MALRD1: variants seen among roughly 807,000 people sequenced by gnomAD.
MALRD1 encodes the protein MAM and LDL receptor class A domain containing 1.
MALRD1 carries 247 observed loss-of-function variants against 242.1 expected under a neutral mutation model. The observed-to-expected ratio is 1.02, with a 90% CI of 0.92 to 1.13. MALRD1 has a LOEUF of 1.13. Ranked by LOEUF, MALRD1 falls within the 50% of genes most tolerant of loss-of-function variation. The pLI, the probability that MALRD1 is intolerant of heterozygous loss-of-function variation, is 0.00. For synonymous variants in MALRD1, 995 were observed against 866.6 expected (o/e 1.15, Z -2.60); for missense variants, 2,989 against 2,533.1 (o/e 1.18, Z -3.86).
intron 32 of MALRD1, among the ~76,000 whole-genome samples, chr10:19,566,159 C>T (rs887581676): frequency 6.6e-6 from 1 of 151,916 alleles, no homozygotes; most frequent in South Asian, 2.1e-4. Flanking sequence ...GACACAGTCT[C>T]CCTCTGTTGC....
In MALRD1 at chr10:19,564,282, T is replaced by A. The variant is rs898248851; in HGVS notation, c.5479-3220T>A. Among the ~76,000 whole-genome samples, 80 of 152,302 alleles carry A rather than the reference T, an allele frequency of 5.3e-4. 1 individual carries two copies. Among genetic ancestry groups the A allele is most frequent in the African/African-American group, 1.7e-3 (70 of 41,568 alleles). On this transcript the variant is annotated intron_variant, in intron 32 of 39. Coordinates refer to ENST00000454679, the MANE Select transcript of MALRD1 (RefSeq NM_001142308.3). Reference sequence around the variant, plus strand: ...GCTGAGGAGTTTCTTCATCAAAAAATTTAACATAGACTTAATTTGATAATA... The same window carrying A: ...GCTGAGGAGTTTCTTCATCAAAAAAATTAACATAGACTTAATTTGATAATA...
chr10:19,201,077 A>G, intron 14 of MALRD1, among the ~76,000 whole-genome samples: 1 of 152,152 alleles, frequency 6.6e-6, no homozygotes, highest in Non-Finnish European at 1.5e-5. Flanking sequence ...TGCTTCAGAA[A>G]CAGTGAAAAA....
chr10:19,491,712 A>G, intron 30 of MALRD1, 67 bp downstream of exon 30: 1 of 1,486,336 alleles, frequency 6.7e-7, no homozygotes, highest in South Asian at 1.2e-5. Flanking sequence ...GTAGAGTTAG[A>G]TATTGGTGTT....
chr10:19,088,563 G>GA (rs1835761515), intron 4 of MALRD1, among the ~76,000 whole-genome samples: 1 of 76,890 alleles, frequency 1.3e-5, no homozygotes, highest in African/African-American at 5.5e-5. Context: ...ATTTTATAAA[G>GA]TTTTTTTTTA....
chr10:19,719,110 C>T (rs551760122), intron 38 of MALRD1, among the ~76,000 whole-genome samples: 2 of 147,864 alleles, frequency 1.4e-5, no homozygotes, highest in East Asian at 2.0e-4. Context: ...TATGATCCCA[C>T]GACTGCACTC....
intron 21 of MALRD1, among the ~76,000 whole-genome samples, chr10:19,299,246 G>T (rs1380038888): frequency 1.3e-5 from 2 of 151,784 alleles, no homozygotes; most frequent in Non-Finnish European, 2.9e-5. Flanking sequence ...GCAGTATAAG[G>T]GGGCGCTTCA....
chr10:19,267,066 T>C (rs1840002121), intron 19 of MALRD1, among the ~76,000 whole-genome samples: 1 of 152,078 alleles, frequency 6.6e-6, no homozygotes, highest in African/African-American at 2.4e-5. Context: ...ATTTTCTTTC[T>C]TGCACCAAGG....
intron 1 of MALRD1, among the ~76,000 whole-genome samples, chr10:19,050,279 G>T (rs574092066): frequency 2.0e-5 from 3 of 150,640 alleles, no homozygotes; most frequent in Non-Finnish European, 4.4e-5. Context: ...AGTAGAGACG[G>T]GGTTTCACCG....
In MALRD1 at chr10:19,595,272, C is replaced by G; in HGVS notation, c.5759C>G (p.Ser1920Ter). The part of the protein sequence containing the change: ...CIYTLQCVPL[S>*]GKCDGHEDCI... Reference sequence around the variant, plus strand: ...TACACACTCCAATGTGTCCCTCTCTCAGGGAAATGTGATGGACATGAAGAC... The same window carrying G: ...TACACACTCCAATGTGTCCCTCTCTGAGGGAAATGTGATGGACATGAAGAC... The change falls in exon 34 of 40, where the codon TCA becomes TGA. Residue 1920 changes from serine (S) to a stop codon, truncating the protein, a stop_gained. Coordinates refer to ENST00000454679, the MANE Select transcript of MALRD1 (RefSeq NM_001142308.3). LOFTEE classifies it high-confidence loss of function. 1 of 1,550,684 alleles carries G rather than the reference C, an allele frequency of 6.4e-7. No homozygotes were observed. The highest frequency in any genetic ancestry group is 2.4e-5 in the East Asian group (1 of 40,908).
chr10:19,143,361 C>T lies in MALRD1; in HGVS notation c.1412-2837C>T, dbSNP rs376271311. Among the ~76,000 whole-genome samples, 36 of 152,290 alleles carry T rather than the reference C, an allele frequency of 2.4e-4. 1 individual carries two copies. The East Asian group carries it at 2.5e-3, about 11-fold the overall frequency. ...TGGTACTTTCCATTTTCACACTCAT[C>T]GATCTCATTGCCATTTCACACCATT... On this transcript the variant is annotated intron_variant, in intron 10 of 39. Coordinates refer to ENST00000454679, the MANE Select transcript of MALRD1 (RefSeq NM_001142308.3).
intron 33 of MALRD1, among the ~76,000 whole-genome samples, chr10:19,575,986 A>G (rs935161075): frequency 6.6e-6 from 1 of 152,238 alleles, no homozygotes; most frequent in Non-Finnish European, 1.5e-5. Flanking sequence ...AGCCCAAAGA[A>G]TATGTTATTG....
rs373624794 is a variant in MALRD1, at chr10:19,063,894, G to A, written c.200-2825G>A. 7.9e-5 allele frequency among the ~76,000 whole-genome samples: 12 copies of A among 151,942 alleles called. No homozygotes were observed. The East Asian group carries it at 1.2e-3, about 15-fold the overall frequency. On this transcript the variant is annotated intron_variant, in intron 1 of 39. Transcript: ENST00000454679. ...ACCAGCATGGCACATGTATACATATGTAACTAACCTGCACATTGTGCACAT... is the reference window on the plus strand; with the variant it reads ...ACCAGCATGGCACATGTATACATATATAACTAACCTGCACATTGTGCACAT...
At chr10:19,255,819 T>C (rs748518240) in intron 18 of MALRD1, among the ~76,000 whole-genome samples, 4 of 152,082 alleles carry the variant, frequency 2.6e-5, no homozygotes, top group Non-Finnish European at 5.9e-5. Context: ...ATACTTCTCA[T>C]GCAACATGAA....
At chr10:19,618,066 T>C (rs761361400) in intron 36 of MALRD1, among the ~76,000 whole-genome samples, 17 of 152,082 alleles carry the variant, frequency 1.1e-4, no homozygotes, top group Admixed American at 3.3e-4. Context: ...CACTTATAAG[T>C]GAGAACATGT....
intron 10 of MALRD1, among the ~76,000 whole-genome samples, chr10:19,138,999 C>G (rs1165358188): frequency 6.6e-6 from 1 of 151,952 alleles, no homozygotes; most frequent in Non-Finnish European, 1.5e-5. Context: ...ATAGTGTAAC[C>G]TCATTTGTCC....
intron 33 of MALRD1, among the ~76,000 whole-genome samples, chr10:19,591,721 C>T (rs1837799676): frequency 6.6e-6 from 1 of 152,118 alleles, no homozygotes; most frequent in African/African-American, 2.4e-5. Flanking sequence ...TGGTCTTGAA[C>T]TCCTCACCTC....
chr10:19,204,102 G>C (rs972361411), intron 15 of MALRD1, among the ~76,000 whole-genome samples: 2 of 152,146 alleles, frequency 1.3e-5, no homozygotes, highest in Non-Finnish European at 2.9e-5. Context: ...AATTACCAAT[G>C]GTCTTTGGTA....
chr10:19,211,179 G>C (rs1837039470), intron 18 of MALRD1, among the ~76,000 whole-genome samples: 1 of 152,136 alleles, frequency 6.6e-6, no homozygotes, highest in African/African-American at 2.4e-5. Flanking sequence ...CAGGGAAGCA[G>C]CTTCATAGCC....
At chr10:19,585,753 C>T (rs1837358980) in intron 33 of MALRD1, among the ~76,000 whole-genome samples, 1 of 152,142 alleles carries the variant, frequency 6.6e-6, no homozygotes, top group South Asian at 2.1e-4. Context: ...TCTGTATTTC[C>T]TGAATCTGAA....
Sources: gnomAD v4.1 joint callset for allele counts (sites outside exome capture counted in the v4.1 genomes callset) on GRCh38, gnomAD v4.1.1 for gene constraint, MANE v1.5 for transcripts, NCBI Gene and HGNC (gene_info 2026-07-23, HGNC 2026-07-21) for gene names.